The following RALGPS1 variants were observed in gnomAD, a reference collection of about 807,000 sequenced individuals.
RALGPS1 encodes ras-specific guanine nucleotide-releasing factor RalGPS1.
A neutral mutation model predicts 78.8 loss-of-function variants in RALGPS1; 19 were observed. The observed-to-expected ratio is 0.24, with a 90% CI of 0.17 to 0.35. The LOEUF is 0.35. Among genes scored for constraint, RALGPS1 ranks in the 10% least tolerant of loss-of-function variants. RALGPS1 has a pLI of 1.00. For synonymous variants in RALGPS1, 228 were observed against 256.3 expected, an observed-to-expected ratio of 0.89 and a Z score of 1.06; for missense variants, 454 against 688.3, an observed-to-expected ratio of 0.66 and a Z score of 3.81.
intron 8 of RALGPS1, among the ~76,000 whole-genome samples, chr9:127,114,181 A>T (rs2055158366): frequency 6.6e-6 from 1 of 152,124 alleles, no homozygotes; most frequent in Non-Finnish European, 1.5e-5. Flanking sequence ...GCACTGTGCT[A>T]CTCTAGGGGA....
chr9:126,918,026 C>T (rs2034356288), intron 1 of RALGPS1, among the ~76,000 whole-genome samples: 2 of 152,124 alleles, frequency 1.3e-5, no homozygotes, highest in South Asian at 2.1e-4. Flanking sequence ...AGGTGCTCAC[C>T]GAATGCTTGT....
intron 3 of RALGPS1, among the ~76,000 whole-genome samples, chr9:126,971,960 T>A (rs1000748969): frequency 6.6e-6 from 1 of 152,230 alleles, no homozygotes; most frequent in African/African-American, 2.4e-5. Context: ...AGTAAGTTTT[T>A]AAAAATGCCC....
chr9:126,998,349 G>A (rs1280271669), intron 4 of RALGPS1, among the ~76,000 whole-genome samples: 1 of 152,122 alleles, frequency 6.6e-6, no homozygotes, highest in African/African-American at 2.4e-5. Flanking sequence ...ATCAAAAAGT[G>A]GGCAAAGGAT....
intron 3 of RALGPS1, among the ~76,000 whole-genome samples, chr9:126,974,432 G>A (rs915375660): frequency 6.6e-6 from 1 of 152,158 alleles, no homozygotes; most frequent in African/African-American, 2.4e-5. Flanking sequence ...TGTTTATTTG[G>A]GGTCTGGAAG....
intron 4 of RALGPS1, among the ~76,000 whole-genome samples, chr9:127,023,969 G>A (rs1163418797): frequency 8.9e-5 from 13 of 145,348 alleles, no homozygotes; most frequent in South Asian, 2.3e-4. Flanking sequence ...CCTGGGAGGC[G>A]GAGGTTGCAG....
chr9:127,145,970 C>T (rs2058070457), intron 8 of RALGPS1, among the ~76,000 whole-genome samples: 1 of 152,196 alleles, frequency 6.6e-6, no homozygotes, highest in African/African-American at 2.4e-5. Flanking sequence ...GGCAGCTCTG[C>T]TAGGCAGTAA....
intron 12 of RALGPS1, among the ~76,000 whole-genome samples, chr9:127,196,027 T>C (rs1339607991): frequency 1.3e-5 from 2 of 152,234 alleles, no homozygotes; most frequent in East Asian, 3.8e-4. Flanking sequence ...AGGTGGGTGC[T>C]ATTATTACAT....
At chr9:126,919,880 G>A (rs1008009751) in intron 1 of RALGPS1, among the ~76,000 whole-genome samples, 3 of 152,142 alleles carry the variant, frequency 2.0e-5, no homozygotes, top group Non-Finnish European at 2.9e-5. Flanking sequence ...CGTGGGAGGC[G>A]AGCATTGTGT....
At chr9:127,027,545 A>G (rs141306724) in intron 4 of RALGPS1, among the ~76,000 whole-genome samples, 25 of 152,328 alleles carry the variant, frequency 1.6e-4, no homozygotes, top group Admixed American at 1.4e-3. Flanking sequence ...TTTGTTAATA[A>G]CTATTAGGAT....
At chr9:127,162,068 C>T (rs1351452561) in intron 8 of RALGPS1, among the ~76,000 whole-genome samples, 3 of 152,136 alleles carry the variant, frequency 2.0e-5, no homozygotes, top group South Asian at 2.1e-4. Flanking sequence ...AGCTACAAAA[C>T]GAGGGTAACA....
intron 8 of RALGPS1, among the ~76,000 whole-genome samples, chr9:127,115,477 C>T (rs1275050700): frequency 2.6e-5 from 4 of 152,202 alleles, no homozygotes; most frequent in Admixed American, 6.5e-5. Context: ...TATATGATCC[C>T]ATTACCTAAG....
At chr9:127,085,973 C>T (rs751098273) in intron 8 of RALGPS1, among the ~76,000 whole-genome samples, 8 of 152,204 alleles carry the variant, frequency 5.3e-5, no homozygotes, top group Non-Finnish European at 1.0e-4. Flanking sequence ...ATGCCTGACA[C>T]CCAGCACCTT....
At chr9:127,055,256 G>A (rs1277519435) in intron 7 of RALGPS1, among the ~76,000 whole-genome samples, 1 of 151,448 alleles carries the variant, frequency 6.6e-6, no homozygotes, top group African/African-American at 2.4e-5. Context: ...GTCTCACTCT[G>A]TCACCCAGCT....
At chr9:126,982,306 A>T (rs955710739) in intron 4 of RALGPS1, among the ~76,000 whole-genome samples, 1 of 152,112 alleles carries the variant, frequency 6.6e-6, no homozygotes, top group Non-Finnish European at 1.5e-5. Flanking sequence ...AGTTAGTCTA[A>T]CTCCAGAACT....
chr9:126,920,249 G>A (rs1357131005), intron 1 of RALGPS1, among the ~76,000 whole-genome samples: 2 of 152,076 alleles, frequency 1.3e-5, no homozygotes, highest in Non-Finnish European at 2.9e-5. Flanking sequence ...CAGGTCTCTG[G>A]TGAAACCCAT....
intron 5 of RALGPS1, among the ~76,000 whole-genome samples, chr9:127,043,968 CTT>C (rs2047534810): frequency 6.6e-6 from 1 of 152,222 alleles, no homozygotes; most frequent in Non-Finnish European, 1.5e-5. Flanking sequence ...AACACAAACT[CTT>C]ATTCATTGCT....
chr9:127,182,356 T>C (rs867994827), intron 11 of RALGPS1, among the ~76,000 whole-genome samples: 131 of 92,656 alleles, frequency 1.4e-3, no homozygotes, highest in African/African-American at 3.4e-3. Context: ...CTTCCTCCCT[T>C]CCTTCCTTCC....
rs906303465 is a variant in RALGPS1 at position 127,186,173 on chromosome 9, T to A, written c.911-8918T>A. ...GAAAGAAGTGTAATGAAAACCAGATTTTTTTTCAACATGATATCTCGTTCC... is the reference window on the plus strand; with the variant it reads ...GAAAGAAGTGTAATGAAAACCAGATATTTTTTCAACATGATATCTCGTTCC... On this transcript the variant is annotated intron_variant, in intron 11 of 18. Transcript: ENST00000259351. 2.6e-5 allele frequency among the ~76,000 whole-genome samples: 4 copies of A among 152,214 alleles called. No homozygotes were observed. The East Asian group carries it at 7.7e-4, about 29-fold the overall frequency.
intron 4 of RALGPS1, among the ~76,000 whole-genome samples, chr9:126,993,197 A>G (rs989307723): frequency 4.6e-5 from 7 of 152,154 alleles, no homozygotes; most frequent in African/African-American, 1.7e-4. Context: ...TGACTATTAA[A>G]CCAACCTTGT....
Sources: gnomAD v4.1 joint callset for allele counts (sites outside exome capture counted in the v4.1 genomes callset) on GRCh38, gnomAD v4.1.1 for gene constraint, MANE v1.5 for transcripts, NCBI Gene and HGNC (gene_info 2026-07-23, HGNC 2026-07-21) for gene names.